Variants in SOX5 observed in about 807,000 individuals in gnomAD.
SOX5 encodes the protein SRY-box transcription factor 5.
In SOX5, 9 loss-of-function variants were observed where a neutral mutation model predicts 92.0. That is an observed-to-expected ratio of 0.10 (90% CI 0.06 to 0.17). The LOEUF is 0.17. Ranked by LOEUF, SOX5 falls within the 10% of genes least tolerant of loss-of-function variation. SOX5 has a pLI of 1.00. For missense variants in SOX5, 642 were observed against 944.5 expected, an observed-to-expected ratio of 0.68 and a Z score of 4.20; for synonymous variants, 344 against 336.3, an observed-to-expected ratio of 1.02 and a Z score of -0.25.
chr12:23,949,536 T>C, intron 1 of SOX5, 28 bp downstream of exon 1: 1 of 1,612,902 alleles, frequency 6.2e-7, no homozygotes, highest in Non-Finnish European at 8.5e-7. Flanking sequence ...TGTACTTCAA[T>C]ATATTAGGGG....
chr12:24,069,493 C>T (rs1941427309), intron 4 of SOX5, among the ~76,000 whole-genome samples: 1 of 152,102 alleles, frequency 6.6e-6, no homozygotes, highest in South Asian at 2.1e-4. Context: ...ATGAGAAGAA[C>T]AGACTTCAGC....
intron 4 of SOX5, among the ~76,000 whole-genome samples, chr12:24,000,156 A>G (rs1951456892): frequency 6.6e-6 from 1 of 151,222 alleles, no homozygotes; most frequent in African/African-American, 2.4e-5. Flanking sequence ...ATATACTAGC[A>G]AAAAGGAGGT....
chr12:23,548,380 T>C (rs971050314), intron 11 of SOX5, among the ~76,000 whole-genome samples: 5 of 152,028 alleles, frequency 3.3e-5, no homozygotes, highest in African/African-American at 1.2e-4. Flanking sequence ...TATCCACCAC[T>C]AATGCACCCA....
Position 24,209,044 on chromosome 12 carries a change from G to C in SOX5, c.-2+4299C>G, listed in dbSNP as rs182276901. Among the ~76,000 whole-genome samples, 579 of 152,282 alleles carry C rather than the reference G, an allele frequency of 3.8e-3. 6 individuals are homozygous for C. The highest frequency in any genetic ancestry group is 0.013 in the African/African-American group (546 of 41,560). The stretch of plus-strand genomic sequence containing the variant: ...CTTTAGGGAAATTTGTACATGAAGG[G>C]AGTGGTAGCTAAAGGAAAAAGTAAA... On this transcript the variant is annotated intron_variant, in intron 4 of 4. Coordinates refer to the SOX5 transcript ENST00000446891.
At chr12:23,925,339 T>C (rs1939652854) in intron 1 of SOX5, among the ~76,000 whole-genome samples, 1 of 152,124 alleles carries the variant, frequency 6.6e-6, no homozygotes, top group South Asian at 2.1e-4. Context: ...TACATCAGTG[T>C]GATTTTTTAA....
Position 23,613,880 on chromosome 12 carries a change from A to T in SOX5, c.1018-9347T>A, listed in dbSNP as rs915147099. On this transcript the variant is annotated intron_variant, in intron 8 of 14. Coordinates refer to ENST00000451604, the MANE Select transcript of SOX5 (RefSeq NM_006940.6). ...GGGCTCAGGGGAGGGAGGAATTAGG[A>T]AGTTAGTGTTTAATGACTACGGACC... Among the ~76,000 whole-genome samples, 3 of 152,072 alleles carry T rather than the reference A, an allele frequency of 2.0e-5. No homozygotes were observed. In the East Asian group the frequency reaches 5.8e-4, roughly 29 times the overall value.
intron 4 of SOX5, among the ~76,000 whole-genome samples, chr12:24,031,354 G>A (rs2136858578): frequency 6.6e-6 from 1 of 151,776 alleles, no homozygotes; most frequent in East Asian, 1.9e-4. Flanking sequence ...CATCTATACA[G>A]TGGAATATTA....
At chr12:23,627,959 T>C (rs1055870488) in intron 8 of SOX5, among the ~76,000 whole-genome samples, 1 of 151,904 alleles carries the variant, frequency 6.6e-6, no homozygotes, top group African/African-American at 2.4e-5. Flanking sequence ...TATTTTATGG[T>C]TTTATATTGT....
intron 4 of SOX5, among the ~76,000 whole-genome samples, chr12:24,125,126 C>A (rs924728020): frequency 6.6e-6 from 1 of 152,182 alleles, no homozygotes; most frequent in African/African-American, 2.4e-5. Flanking sequence ...AATGCAAATA[C>A]AATTCCCCAT....
Position 24,120,565 on chromosome 12 carries a change from A to G in SOX5, c.-2+92778T>C, listed in dbSNP as rs532520200. Among the ~76,000 whole-genome samples the G allele has an allele frequency of 2.6e-4, 40 of 152,340 alleles. 1 individual carries two copies. In the South Asian group the frequency reaches 8.3e-3, roughly 32 times the overall value. ...GCAAAATGATTTTATTTGGAAAGAA[A>G]TGGAGGAGATTGTTACAAACTATGA... On this transcript the variant is annotated intron_variant, in intron 4 of 4. Transcript: ENST00000446891.
intron 1 of SOX5, among the ~76,000 whole-genome samples, chr12:24,385,935 A>ATCAC: frequency 6.6e-6 from 1 of 150,378 alleles, no homozygotes; most frequent in South Asian, 2.1e-4. Context: ...ACAAAAAAAA[A>ATCAC]AAAAAAAAAA....
chr12:23,752,760 T>A lies in SOX5; in HGVS notation c.568+2878A>T, dbSNP rs1239170026. On this transcript the variant is annotated intron_variant, in intron 4 of 14. Transcript: ENST00000451604. ...CTGTAAACTGACCAGTTATACTACA[T>A]CGCTTATAAGTAAAGAAGAAACAAA... Among the ~76,000 whole-genome samples the A allele has an allele frequency of 2.0e-5, 3 of 151,884 alleles. No individual in the cohort carries two copies. The East Asian group carries it at 5.8e-4, about 29-fold the overall frequency.
chr12:23,623,888 A>AT (rs2077460104), intron 8 of SOX5, among the ~76,000 whole-genome samples: 2 of 152,236 alleles, frequency 1.3e-5, no homozygotes, highest in African/African-American at 4.8e-5. Flanking sequence ...TGTATATCCA[A>AT]TATTCATAAC....
intron 7 of SOX5, among the ~76,000 whole-genome samples, chr12:23,650,061 G>C (rs577773877): frequency 1.3e-5 from 2 of 152,006 alleles, no homozygotes; most frequent in African/African-American, 4.8e-5. Flanking sequence ...CTTGCCTTCT[G>C]TAGGTGCTGG....
At chr12:24,311,762 C>T (rs963068817) in intron 2 of SOX5, among the ~76,000 whole-genome samples, 1 of 152,090 alleles carries the variant, frequency 6.6e-6, no homozygotes, top group Admixed American at 6.6e-5. Flanking sequence ...GACATCTGGC[C>T]AGTCATAGTA....
Position 24,232,397 on chromosome 12 carries a change from T to C in SOX5, c.-76-18980A>G, listed in dbSNP as rs763442298. Among the ~76,000 whole-genome samples, 3 of 152,178 alleles carry C rather than the reference T, an allele frequency of 2.0e-5. No homozygotes were observed. In the East Asian group the frequency reaches 5.8e-4, roughly 29 times the overall value. ...AAGAACAATGACAGAGCCACACTTA[T>C]GGCTGTAAAGATGTAAGAACAATTT... On this transcript the variant is annotated intron_variant, in intron 3 of 4. Coordinates refer to the SOX5 transcript ENST00000446891.
At chr12:23,887,148 G>A (rs755210379) in intron 2 of SOX5, among the ~76,000 whole-genome samples, 2 of 152,150 alleles carry the variant, frequency 1.3e-5, no homozygotes, top group Non-Finnish European at 2.9e-5. Context: ...TTAATCACAT[G>A]CAGTAAGAGA....
chr12:24,414,383 C>T (rs1028688724), intron 1 of SOX5, among the ~76,000 whole-genome samples: 1 of 152,158 alleles, frequency 6.6e-6, no homozygotes, highest in African/African-American at 2.4e-5. Context: ...CTTTGAAGAG[C>T]TGACCTCCTA....
At chr12:24,458,087 G>T (rs1943214136) in intron 1 of SOX5, among the ~76,000 whole-genome samples, 1 of 151,862 alleles carries the variant, frequency 6.6e-6, no homozygotes, top group Non-Finnish European at 1.5e-5. Flanking sequence ...TATTGTGCAT[G>T]TGAATCACCT....
Sources: gnomAD v4.1 joint callset for allele counts (sites outside exome capture counted in the v4.1 genomes callset) on GRCh38, gnomAD v4.1.1 for gene constraint, MANE v1.5 for transcripts, NCBI Gene and HGNC (gene_info 2026-07-23, HGNC 2026-07-21) for gene names.